Variants in PTBP2 observed in about 807,000 individuals in gnomAD.
PTBP2 encodes the protein polypyrimidine tract-binding protein 2.
In PTBP2, 13 loss-of-function variants were observed where a neutral mutation model predicts 61.4. That is an observed-to-expected ratio of 0.21 (90% confidence interval 0.14 to 0.34). The LOEUF is 0.34. Among genes scored for constraint, PTBP2 ranks in the 10% least tolerant of loss-of-function variants. The probability of loss-of-function intolerance (pLI) is 1.00; values close to 1 mark genes in which losing one functional copy is unlikely to be tolerated. For synonymous variants in PTBP2, 215 were observed against 218.5 expected (o/e 0.98, Z 0.14); for missense variants, 405 against 642.6 (o/e 0.63, Z 4.00).
chr1:96,767,783 C>G (rs987997532), intron 3 of PTBP2, among the ~76,000 whole-genome samples: 12 of 152,102 alleles, frequency 7.9e-5, no homozygotes, highest in Non-Finnish European at 2.9e-5. Flanking sequence ...TTCCTTTTGA[C>G]AAATTCAGGT....
In PTBP2 at chr1:96,724,799, A is replaced by G. The variant is rs940998236; in HGVS notation, c.39+1205A>G. Among the ~76,000 whole-genome samples the G allele has an allele frequency of 1.9e-4, 29 of 152,224 alleles. 1 individual carries two copies. Among genetic ancestry groups the G allele is most frequent in the African/African-American group, 6.5e-4 (27 of 41,532 alleles). On this transcript the variant is annotated intron_variant, in intron 2 of 13. Transcript: ENST00000674951. ...TGCAGCACACCAACATGGCACATGT[A>G]TACATATGTAACAAACCTGCACGTT... is the stretch of plus-strand genomic sequence containing the variant.
At chr1:96,724,888 T>A (rs1208537015) in intron 2 of PTBP2, among the ~76,000 whole-genome samples, 5 of 152,132 alleles carry the variant, frequency 3.3e-5, no homozygotes, top group Non-Finnish European at 7.3e-5. Context: ...CATAATGATG[T>A]GGTGTTCTTT....
At position 96,726,074 on chromosome 1, in the gene PTBP2, CAAAAAAAAAAAAAA is replaced by C. The variant is rs762152365; in HGVS notation, c.39+2504_39+2517del. 3.5e-3 allele frequency among the ~76,000 whole-genome samples: 189 copies of C among 54,214 alleles called. 2 individuals are homozygous for C. The highest frequency in any genetic ancestry group is 0.014 in the Middle Eastern group (1 of 72). 35.6% of individuals were successfully genotyped at this position (54,214 alleles called of 152,430 possible). A position where few individuals can be genotyped will look rare whatever the true frequency, so the allele number is the denominator to read the frequency against. ...TGGGCGACAGAGACAGACTCTATCT[CAAAAAAAAAAAAAA>C]AAAAAAAAAAAAAAAAAAAAAAATT... On this transcript the variant is annotated intron_variant, in intron 2 of 13. Coordinates refer to ENST00000674951, the MANE Select transcript of PTBP2 (RefSeq NM_021190.4).
chr1:96,815,014 T>G lies in PTBP2; in HGVS notation c.*1609T>G, dbSNP rs1662415292. The stretch of plus-strand genomic sequence containing the variant: ...AGTAATAATATTACAATTCTATGGC[T>G]TTATACCATAAATAAATCTAGATGC... On this transcript the variant is annotated 3_prime_UTR_variant, in exon 14 of 14. Coordinates refer to ENST00000674951, the MANE Select transcript of PTBP2 (RefSeq NM_021190.4). 6.6e-6 allele frequency: 1 copy of G among 152,548 alleles called. No individual in the cohort carries two copies. Among genetic ancestry groups the G allele is most frequent in the Non-Finnish European group, 1.5e-5 (1 of 67,988 alleles). The allele number at this position is 152,548 out of a possible 1,614,324, so 9.4% of individuals were successfully genotyped here.
At chr1:96,811,843 C>T (rs1176395505) in intron 11 of PTBP2, among the ~76,000 whole-genome samples, 2 of 152,192 alleles carry the variant, frequency 1.3e-5, no homozygotes, top group Admixed American at 6.5e-5. Context: ...ATATAACTTT[C>T]TAGCATCAGA....
intron 2 of PTBP2, among the ~76,000 whole-genome samples, chr1:96,736,228 C>T (rs1652148488): frequency 6.6e-6 from 1 of 152,132 alleles, no homozygotes; most frequent in South Asian, 2.1e-4. Context: ...GGAGTTTGTA[C>T]TTCAGGAAGA....
exon 14 of PTBP2, chr1:96,822,923 A>G (rs1662727885): frequency 6.6e-6 from 1 of 152,176 alleles, no homozygotes; most frequent in South Asian, 2.1e-4. Context: ...AGAAAACTGC[A>G]AAACATAAAG....
At chr1:96,809,693 T>G (rs1661855794) in intron 11 of PTBP2, among the ~76,000 whole-genome samples, 1 of 152,090 alleles carries the variant, frequency 6.6e-6, no homozygotes, top group Non-Finnish European at 1.5e-5. Flanking sequence ...TTATTATTAT[T>G]ATTTTTTGTA....
At chr1:96,723,688 G>T in intron 2 of PTBP2, 94 bp downstream of exon 2, 1 of 1,141,760 alleles carries the variant, frequency 8.8e-7, no homozygotes, top group East Asian at 2.4e-5. Flanking sequence ...CTATAACGTA[G>T]CTAACAAAAC....
chr1:96,778,440 T>G (rs1658288776), intron 7 of PTBP2, among the ~76,000 whole-genome samples: 2 of 152,020 alleles, frequency 1.3e-5, no homozygotes, highest in African/African-American at 4.8e-5. Context: ...TTCATATCAT[T>G]TATCTTTTTT....
At chr1:96,745,889 AC>A (rs1238272954) in intron 2 of PTBP2, among the ~76,000 whole-genome samples, 1 of 151,754 alleles carries the variant, frequency 6.6e-6, no homozygotes, top group Admixed American at 6.6e-5. Context: ...ACATAGTGAA[AC>A]CCCCATCTCT....
At chr1:96,747,201 A>T (rs892824722) in intron 2 of PTBP2, among the ~76,000 whole-genome samples, 2 of 151,888 alleles carry the variant, frequency 1.3e-5, no homozygotes, top group African/African-American at 4.8e-5. Context: ...AATTTATATG[A>T]TCCCATTCTT....
chr1:96,750,356 A>G (rs1654379839), intron 2 of PTBP2, among the ~76,000 whole-genome samples: 1 of 151,718 alleles, frequency 6.6e-6, no homozygotes, highest in South Asian at 2.1e-4. Flanking sequence ...GTGTAAATAC[A>G]GTATCAATGT....
intron 1 of PTBP2, 55 bp downstream of exon 1, chr1:96,721,927 TCGGCCCGGTCC>T: frequency 5.1e-6 from 8 of 1,556,200 alleles, no homozygotes; most frequent in Non-Finnish European, 7.0e-6. Flanking sequence ...GGACCGTCCT[TCGGCCCGGTCC>T]CGGGCCGGGG....
intron 2 of PTBP2, among the ~76,000 whole-genome samples, chr1:96,742,323 A>AG (rs1340249917): frequency 2.6e-5 from 4 of 152,236 alleles, no homozygotes; most frequent in Non-Finnish European, 5.9e-5. Context: ...ATGAGGGAAC[A>AG]GGGATACTTG....
intron 5 of PTBP2, 35 bp downstream of exon 5, chr1:96,770,886 A>G: frequency 6.7e-7 from 1 of 1,499,516 alleles, no homozygotes; most frequent in Non-Finnish European, 9.3e-7. Flanking sequence ...AAAATGGCCT[A>G]GAACATATTA....
chr1:96,751,557 A>AGCCCTGTT, intron 3 of PTBP2, 57 bp downstream of exon 3: 1 of 1,328,858 alleles, frequency 7.5e-7, no homozygotes, highest in Middle Eastern at 1.9e-4. Flanking sequence ...CAGAATGTTA[A>AGCCCTGTT]AACTCAAATT....
intron 8 of PTBP2, among the ~76,000 whole-genome samples, chr1:96,798,509 A>T (rs527750066): frequency 6.6e-6 from 1 of 152,338 alleles, no homozygotes; most frequent in South Asian, 2.1e-4. Context: ...TGAACAGGGA[A>T]AAGAAGTAAG....
At chr1:96,815,987 T>A (rs1662466929), downstream of PTBP2, 1 of 152,214 alleles carries the variant, frequency 6.6e-6, no homozygotes, top group Admixed American at 6.5e-5. Flanking sequence ...GCTATAATAT[T>A]TGAAAGTAGG....
Sources: gnomAD v4.1 joint callset for allele counts (sites outside exome capture counted in the v4.1 genomes callset) on GRCh38, gnomAD v4.1.1 for gene constraint, MANE v1.5 for transcripts, NCBI Gene and HGNC (gene_info 2026-07-23, HGNC 2026-07-21) for gene names.